The following SPMIP6 variants were observed in gnomAD, a reference collection of about 807,000 sequenced individuals.
SPMIP6 encodes the protein ciliated bronchial epithelial protein 1.
the SPMIP6 span, among the ~76,000 whole-genome samples, chr9:34,392,696 C>T: frequency 6.6e-6 from 1 of 152,156 alleles, no homozygotes; most frequent in Non-Finnish European, 1.5e-5. The surrounding 1 kb of genome is among the most constrained non-coding windows in gnomAD (Gnocchi z 4.6). Context: ...CAGTGGCTGG[C>T]ATCAGGAAGC....
At chr9:34,396,787 G>A in the SPMIP6 span, among the ~76,000 whole-genome samples, 1 of 152,074 alleles carries the variant, frequency 6.6e-6, no homozygotes. Context: ...GTTCCACATC[G>A]GGCAACTCTA....
the SPMIP6 span, chr9:34,381,056 C>G: frequency 6.2e-7 from 1 of 1,611,912 alleles, no homozygotes; most frequent in Non-Finnish European, 8.5e-7. This position sits in a 1 kb window ranked among gnomAD's most constrained non-coding sequence, Gnocchi z 4.4. Flanking sequence ...GTCCACGCAC[C>G]CGCATCGGGG....
the SPMIP6 span, chr9:34,380,843 G>C: frequency 6.6e-7 from 1 of 1,520,382 alleles, no homozygotes; most frequent in East Asian, 2.4e-5. Flanking sequence ...CGGGGTTCTG[G>C]GGCGGGGCTT....
At chr9:34,382,583 TA>T in the SPMIP6 span, 44,235 of 527,978 alleles carry the variant, frequency 0.084, 3 homozygotes, top group Middle Eastern at 0.12. Context: ...AGACTCTATC[TA>T]AAAAAAAAAA....
the SPMIP6 span, chr9:34,381,233 C>A: frequency 3.2e-6 from 5 of 1,567,016 alleles, no homozygotes; most frequent in South Asian, 3.6e-5. This position sits in a 1 kb window ranked among gnomAD's most constrained non-coding sequence, Gnocchi z 4.4. Context: ...AAAGCCAGGA[C>A]GGATAGATTC....
At chr9:34,393,290 C>T in the SPMIP6 span, among the ~76,000 whole-genome samples, 671 of 152,228 alleles carry the variant, frequency 4.4e-3, 1 homozygote, top group Non-Finnish European at 8.3e-3. Flanking sequence ...CTATAGATAA[C>T]GTTTGCTTAA....
the SPMIP6 span, chr9:34,379,862 C>T: frequency 1.6e-5 from 11 of 672,218 alleles, no homozygotes; most frequent in Non-Finnish European, 2.6e-5. This position sits in a 1 kb window ranked among gnomAD's most constrained non-coding sequence, Gnocchi z 4.2. Context: ...TCTCCTTCTT[C>T]CTCACCCTTC....
At chr9:34,384,158 C>G in the SPMIP6 span, among the ~76,000 whole-genome samples, 3 of 152,134 alleles carry the variant, frequency 2.0e-5, no homozygotes, top group Non-Finnish European at 4.4e-5. Flanking sequence ...TTTGCACATA[C>G]TGAAACTGAG....
At chr9:34,379,249 G>T in the SPMIP6 span, 1 of 953,584 alleles carries the variant, frequency 1.0e-6, no homozygotes, top group Non-Finnish European at 1.7e-6. This position sits in a 1 kb window ranked among gnomAD's most constrained non-coding sequence, Gnocchi z 4.2. Context: ...ACTCCAGTTT[G>T]CAATGCTAAC....
the SPMIP6 span, chr9:34,380,709 C>CGCCTCAGTTGTTAGTTCAG: frequency 1.9e-6 from 3 of 1,548,310 alleles, no homozygotes; most frequent in Non-Finnish European, 2.6e-6. Context: ...CTGGTTCTCC[C>CGCCTCAGTTGTTAGTTCAG]GCCTCAGTTG....
At chr9:34,389,148 G>A in the SPMIP6 span, among the ~76,000 whole-genome samples, 1 of 151,896 alleles carries the variant, frequency 6.6e-6, no homozygotes, top group South Asian at 2.1e-4. Context: ...TGTTTCCCAG[G>A]GTGGTCTTGA....
chr9:34,391,430 A>AT, the SPMIP6 span, among the ~76,000 whole-genome samples: 36 of 151,934 alleles, frequency 2.4e-4, no homozygotes, highest in African/African-American at 8.2e-4. Flanking sequence ...CCATTCTTCT[A>AT]TTTTTCACAT....
At chr9:34,379,751 G>A in the SPMIP6 span, 1 of 1,602,370 alleles carries the variant, frequency 6.2e-7, no homozygotes, top group East Asian at 2.2e-5. The surrounding 1 kb of genome is among the most constrained non-coding windows in gnomAD (Gnocchi z 4.2). Flanking sequence ...GGAGGAAGCC[G>A]CGAGCATGGA....
chr9:34,395,247 C>T, the SPMIP6 span, among the ~76,000 whole-genome samples: 2 of 152,106 alleles, frequency 1.3e-5, no homozygotes, highest in South Asian at 4.2e-4. Context: ...GATTACTGGC[C>T]TGAGACACCA....
At chr9:34,380,372 C>G in the SPMIP6 span, among the ~76,000 whole-genome samples, 1 of 152,190 alleles carries the variant, frequency 6.6e-6, no homozygotes, top group African/African-American at 2.4e-5. Flanking sequence ...GAGGCCAGAG[C>G]CATTCTGGTA....
the SPMIP6 span, chr9:34,385,831 C>T: frequency 6.4e-7 from 1 of 1,567,294 alleles, no homozygotes. Flanking sequence ...AGACCCCAGC[C>T]CTGGGGTCTT....
the SPMIP6 span, among the ~76,000 whole-genome samples, chr9:34,386,463 G>A: frequency 1.3e-5 from 2 of 151,826 alleles, no homozygotes; most frequent in Non-Finnish European, 1.5e-5. Flanking sequence ...GCATGGTGGC[G>A]AGCTCCTATA....
the SPMIP6 span, among the ~76,000 whole-genome samples, chr9:34,386,662 C>A: frequency 6.6e-6 from 1 of 152,078 alleles, no homozygotes; most frequent in Non-Finnish European, 1.5e-5. Flanking sequence ...GCCCTGACAC[C>A]AGTGTTGCCT....
chr9:34,392,445 G>GTGTA, the SPMIP6 span, among the ~76,000 whole-genome samples: 2 of 93,146 alleles, frequency 2.1e-5, no homozygotes, highest in Non-Finnish European at 5.5e-5. The surrounding 1 kb of genome is among the most constrained non-coding windows in gnomAD (Gnocchi z 4.6). Context: ...TAAAAACCGT[G>GTGTA]TGTGTGTGTG....
Sources: allele counts gnomAD v4.1 joint callset (sites outside exome capture counted in the v4.1 genomes callset), GRCh38; gene constraint gnomAD v4.1.1; non-coding constraint Gnocchi (gnomAD v3.1); transcripts MANE v1.5; gene names NCBI Gene and HGNC (gene_info 2026-07-23, HGNC 2026-07-21).